The following WDSUB1 variants were observed in gnomAD, a reference collection of about 807,000 sequenced individuals.
WDSUB1 encodes WD repeat, SAM and U-box domain-containing protein 1.
Under a neutral mutation model 53.9 loss-of-function variants are expected in WDSUB1, and 49 were observed. The ratio of observed to expected loss-of-function variants is 0.91; its 90% confidence interval spans 0.72 to 1.15. The LOEUF (loss-of-function observed/expected upper bound fraction) is 1.15. Ranked by LOEUF, WDSUB1 falls within the 50% of genes most tolerant of loss-of-function variation. WDSUB1 has a pLI of 0.00. For synonymous variants in WDSUB1, 194 were observed against 200.6 expected (o/e 0.97, Z 0.28); for missense variants, 514 against 562.0 (o/e 0.91, Z 0.86).
chr2:159,247,443 A>G (rs530524976), intron 10 of WDSUB1, among the ~76,000 whole-genome samples: 1 of 152,214 alleles, frequency 6.6e-6, no homozygotes, highest in African/African-American at 2.4e-5. Flanking sequence ...TTTCAAAACA[A>G]CTATTAAGCT....
At chr2:159,260,964 T>C (rs191326982) in intron 5 of WDSUB1, among the ~76,000 whole-genome samples, 232 of 152,336 alleles carry the variant, frequency 1.5e-3, no homozygotes, top group African/African-American at 5.4e-3. Flanking sequence ...ATGTTGATGA[T>C]GGATACTGAC....
rs1242070552 is a variant in WDSUB1 at position 159,282,687 on chromosome 2, G to T, written c.383C>A (p.Ser128Ter). ...ATATCCATACCTATATAATTTGTAT[G>T]ACTGTGCATTCCACAAAACCACAGT... The part of the protein sequence containing the change: ...DGTVVLWNAQ[S>*]YKLYRCGSVK... Residue 128 changes from serine (S) to a stop codon, truncating the protein, a stop_gained, in exon 2 of 11, where the codon TCA becomes TAA. Transcript: ENST00000359774. LOFTEE classifies it high-confidence loss of function. 6.2e-7 allele frequency: 1 copy of T among 1,611,494 alleles called. No homozygotes were observed. Among genetic ancestry groups the T allele is most frequent in the South Asian group, 1.1e-5 (1 of 91,022 alleles).
At chr2:159,262,846 AAAC>A (rs2061254895) in intron 5 of WDSUB1, among the ~76,000 whole-genome samples, 6 of 152,192 alleles carry the variant, frequency 3.9e-5, no homozygotes, top group Admixed American at 3.9e-4. Context: ...AACAACCACT[AAAC>A]AAAAAATCCA....
intron 9 of WDSUB1, 150 bp downstream of exon 9, chr2:159,256,046 T>C: frequency 1.5e-6 from 1 of 650,656 alleles, no homozygotes; most frequent in Non-Finnish European, 2.5e-6. Context: ...AAATTCCACT[T>C]CACAGCTGCT....
intron 6 of WDSUB1, among the ~76,000 whole-genome samples, chr2:159,259,553 T>C (rs979880478): frequency 1.3e-5 from 2 of 152,262 alleles, no homozygotes; most frequent in Admixed American, 1.3e-4. Context: ...TTTTGAACAC[T>C]GGTGCTCTTT....
intron 10 of WDSUB1, among the ~76,000 whole-genome samples, chr2:159,245,482 G>A (rs11691288): frequency 0.42 from 63,688 of 150,926 alleles, 14,672 homozygotes; most frequent in Non-Finnish European, 0.54. Flanking sequence ...GCAGTAAGCC[G>A]AGATGGAGCC....
intron 10 of WDSUB1, among the ~76,000 whole-genome samples, chr2:159,247,894 T>TATATATATAAATATATATATATATAA (rs2060840042): frequency 6.8e-5 from 3 of 43,828 alleles, no homozygotes; most frequent in Non-Finnish European, 1.6e-4. Context: ...TAAATATATA[T>TATATATATAAATATATATATATATAA]ATATATATAT....
At chr2:159,280,029 G>A in intron 2 of WDSUB1, 84 bp from the exon 3 acceptor site, 1 of 1,261,634 alleles carries the variant, frequency 7.9e-7, no homozygotes, top group East Asian at 2.5e-5. Flanking sequence ...TTGATACAGT[G>A]AAAAGAGAAT....
intron 8 of WDSUB1, among the ~76,000 whole-genome samples, chr2:159,257,447 C>T (rs185746496): frequency 1.3e-5 from 2 of 149,106 alleles, no homozygotes; most frequent in East Asian, 3.9e-4. Flanking sequence ...AGTGCAATGG[C>T]ACGATCTCAG....
intron 10 of WDSUB1, among the ~76,000 whole-genome samples, chr2:159,237,780 T>C (rs2060524010): frequency 2.3e-5 from 1 of 44,000 alleles, no homozygotes; most frequent in Non-Finnish European, 7.2e-5. Context: ...CTGGGTGGTT[T>C]CCAATCTTTG....
chr2:159,281,480 T>A (rs2061661743), intron 2 of WDSUB1, among the ~76,000 whole-genome samples: 2 of 152,190 alleles, frequency 1.3e-5, no homozygotes, highest in South Asian at 4.1e-4. Context: ...GTTGTTAAAT[T>A]GCAATACAAC....
intron 10 of WDSUB1, among the ~76,000 whole-genome samples, chr2:159,243,562 T>C (rs2060715075): frequency 7.4e-6 from 1 of 135,116 alleles, no homozygotes; most frequent in African/African-American, 3.4e-5. Flanking sequence ...TATATGTCTC[T>C]ATTGTTTCTT....
intron 10 of WDSUB1, among the ~76,000 whole-genome samples, chr2:159,237,945 GTGCC>G (rs1450490451): frequency 4.0e-5 from 3 of 74,666 alleles, no homozygotes; most frequent in East Asian, 5.5e-4. Context: ...TCGCTAGATA[GTGCC>G]AACTTCCTTC....
intron 2 of WDSUB1, among the ~76,000 whole-genome samples, chr2:159,280,683 T>C (rs2061643088): frequency 8.9e-5 from 2 of 22,454 alleles, no homozygotes; most frequent in African/African-American, 3.7e-4. Context: ...AGAGCGAGAC[T>C]CCGTCTCAAA....
At chr2:159,236,571 C>T (rs1168470034) in intron 10 of WDSUB1, among the ~76,000 whole-genome samples, 1 of 152,154 alleles carries the variant, frequency 6.6e-6, no homozygotes, top group African/African-American at 2.4e-5. Flanking sequence ...CTCTTTTCAA[C>T]ACCTTGAAAA....
chr2:159,275,550 G>C lies in WDSUB1; in HGVS notation c.672C>G (p.Ile224Met). ...AGCACTATTTGGCATACATACCTAA[G>C]ATATGGGTAAAAGAAACAATCCAAA... is the stretch of plus-strand genomic sequence containing the variant. ...VKIWIVSFTHILGFELKYKST... is the reference protein window; with the variant it reads ...VKIWIVSFTHMLGFELKYKST... The change falls in exon 4 of 11, where the codon ATC (isoleucine) becomes ATG (methionine). Residue 224 changes from isoleucine (I) to methionine (M), a missense_variant. Coordinates refer to ENST00000359774, the MANE Select transcript of WDSUB1 (RefSeq NM_001128212.3). 6.3e-7 allele frequency: 1 copy of C among 1,596,450 alleles called. No homozygotes were observed. The highest frequency in any genetic ancestry group is 1.8e-5 in the Admixed American group (1 of 55,756).
intron 9 of WDSUB1, among the ~76,000 whole-genome samples, chr2:159,250,088 C>CAAAAGAAAAAAAAAAA (rs2060914839): frequency 1.2e-5 from 1 of 83,528 alleles, no homozygotes; most frequent in African/African-American, 3.6e-5. Flanking sequence ...GACTCTGCCT[C>CAAAAGAAAAAAAAAAA]AAAAAAAAAA....
In WDSUB1 at chr2:159,257,816, A is replaced by G; in HGVS notation, c.894T>C (p.Thr298=). 6.2e-7 allele frequency: 1 copy of G among 1,614,242 alleles called. No individual in the cohort carries two copies. The highest frequency in any genetic ancestry group is 8.5e-7 in the Non-Finnish European group (1 of 1,180,036). ...TGTTCACTGTTTTGTCCATTGAACC[A>G]GTAGCAAGTAAAAGGGTATTAGGTG... is the stretch of plus-strand genomic sequence containing the variant. ...AFAPNTLLLA[T]GSMDKTVNIW... Residue 298 remains threonine (T), a synonymous_variant, in exon 8 of 11, where the codon ACT becomes ACC. Coordinates refer to ENST00000359774, the MANE Select transcript of WDSUB1 (RefSeq NM_001128212.3).
chr2:159,247,448 T>C (rs1372245223), intron 10 of WDSUB1, among the ~76,000 whole-genome samples: 1 of 152,174 alleles, frequency 6.6e-6, no homozygotes, highest in Non-Finnish European at 1.5e-5. Flanking sequence ...AAACAACTAT[T>C]AAGCTGGCAA....
Sources: allele counts gnomAD v4.1 joint callset (sites outside exome capture counted in the v4.1 genomes callset), GRCh38; gene constraint gnomAD v4.1.1; transcripts MANE v1.5; gene names NCBI Gene and HGNC (gene_info 2026-07-23, HGNC 2026-07-21).